The following SMIM31 variants were observed in gnomAD, a reference collection of about 807,000 sequenced individuals.
SMIM31 encodes small integral membrane protein 31, also known as human epithelial cell program regulator.
intron 2 of SMIM31, among the ~76,000 whole-genome samples, chr4:164,797,246 T>G (rs182379588): frequency 6.6e-6 from 1 of 152,292 alleles, no homozygotes; most frequent in Admixed American, 6.5e-5. Context: ...ATATCATGCA[T>G]GCTAACATGC....
chr4:164,800,333 CT>C (rs1733266386), intron 2 of SMIM31, among the ~76,000 whole-genome samples: 1 of 152,030 alleles, frequency 6.6e-6, no homozygotes, highest in South Asian at 2.1e-4. Context: ...CCTCAGCCCC[CT>C]GAGTAGCTGG....
chr4:164,757,767 A>G (rs2110915143), intron 1 of SMIM31, among the ~76,000 whole-genome samples: 1 of 152,204 alleles, frequency 6.6e-6, no homozygotes, highest in South Asian at 2.1e-4. Flanking sequence ...ATTTAGTGCT[A>G]CTAATCTATT....
At chr4:164,787,203 A>G (rs1192451464) in intron 2 of SMIM31, 7 of 152,170 alleles carry the variant, frequency 4.6e-5, no homozygotes, top group African/African-American at 1.7e-4. Context: ...GGGATTAGTT[A>G]CTACTTTCTG....
intron 1 of SMIM31, among the ~76,000 whole-genome samples, chr4:164,755,979 G>A (rs937135383): frequency 1.6e-4 from 24 of 152,032 alleles, no homozygotes; most frequent in African/African-American, 2.7e-4. Context: ...CTCTCTGTAC[G>A]TCCACTGATT....
At chr4:164,773,154 G>C (rs1183787012) in intron 2 of SMIM31, among the ~76,000 whole-genome samples, 1 of 151,808 alleles carries the variant, frequency 6.6e-6, no homozygotes, top group Non-Finnish European at 1.5e-5. Context: ...AGGACATCCA[G>C]GCAAAAGGAA....
rs185239626 is a variant in SMIM31 at position 164,790,159 on chromosome 4, C to A, written c.113-10932C>A. Among the ~76,000 whole-genome samples, 6 of 152,246 alleles carry A rather than the reference C, an allele frequency of 3.9e-5. No individual in the cohort carries two copies. The East Asian group carries it at 1.2e-3, about 29-fold the overall frequency. Reference sequence around the variant, plus strand: ...CTAGGCACATTTTACTTTCTAGGCACATTTTACTAAGCAAAATCCTAACTT... The same window carrying A: ...CTAGGCACATTTTACTTTCTAGGCAAATTTTACTAAGCAAAATCCTAACTT... On this transcript the variant is annotated intron_variant, in intron 2 of 2. Coordinates refer to ENST00000507311, the MANE Select transcript of SMIM31 (RefSeq NM_001352885.1).
intron 2 of SMIM31, among the ~76,000 whole-genome samples, chr4:164,795,981 T>C (rs1243228536): frequency 6.6e-6 from 1 of 152,098 alleles, no homozygotes; most frequent in Non-Finnish European, 1.5e-5. Flanking sequence ...GCTGACATCC[T>C]CAAAAGACTC....
intron 1 of SMIM31, among the ~76,000 whole-genome samples, 171 bp downstream of exon 1, chr4:164,754,582 T>TTTAAAAAAA (rs1732530799): frequency 6.9e-6 from 1 of 145,468 alleles, no homozygotes; most frequent in African/African-American, 2.5e-5. Context: ...TTTTTGCTGT[T>TTTAAAAAAA]AAAAAAAATG....
chr4:164,784,899 GT>G (rs112698821), intron 2 of SMIM31, among the ~76,000 whole-genome samples: 18 of 146,234 alleles, frequency 1.2e-4, no homozygotes, highest in South Asian at 6.4e-4. Flanking sequence ...ATTTGTTTGG[GT>G]TTTTTTTTTT....
intron 2 of SMIM31, among the ~76,000 whole-genome samples, chr4:164,788,565 C>G (rs1733060224): frequency 7.5e-6 from 1 of 134,176 alleles, no homozygotes. Context: ...TCTCGGCTCA[C>G]AGCAACTTCC....
At chr4:164,757,482 CTTTT>C (rs201443024) in intron 1 of SMIM31, among the ~76,000 whole-genome samples, 1 of 148,942 alleles carries the variant, frequency 6.7e-6, no homozygotes, top group Middle Eastern at 3.3e-3. Context: ...CTTAAAAAGT[CTTTT>C]TTTTACCATT....
In SMIM31 at chr4:164,766,796, CAAAAA is replaced by C. The variant is rs33966423; in HGVS notation, c.-25-3613_-25-3609del. On this transcript the variant is annotated intron_variant, in intron 1 of 2. Transcript: ENST00000507311. ...CTGGTGACAGAGTGAGACTCCATCT[CAAAAA>C]AAAAAAAAAGAAGAAAAATGCAATG... is the stretch of plus-strand genomic sequence containing the variant. 6.6e-3 allele frequency among the ~76,000 whole-genome samples: 764 copies of C among 116,104 alleles called. 5 individuals are homozygous for C. Among genetic ancestry groups the C allele is most frequent in the African/African-American group, 0.022 (703 of 32,622 alleles). The allele number at this position is 116,104 out of a possible 152,430, so 76.2% of individuals were successfully genotyped here. A position where few individuals can be genotyped will look rare whatever the true frequency, so the allele number is the denominator to read the frequency against.
chr4:164,757,176 C>G (rs938116568), intron 1 of SMIM31, among the ~76,000 whole-genome samples: 10 of 152,120 alleles, frequency 6.6e-5, no homozygotes, highest in Admixed American at 1.3e-4. Flanking sequence ...TGTCGTTAAG[C>G]ATTTTCTCTT....
At chr4:164,800,096 T>G (rs1448030503) in intron 2 of SMIM31, among the ~76,000 whole-genome samples, 1 of 152,244 alleles carries the variant, frequency 6.6e-6, no homozygotes, top group African/African-American at 2.4e-5. Flanking sequence ...CCTTTTAATT[T>G]AGTAGTTTTC....
At chr4:164,770,776 C>T (rs1453801380) in intron 2 of SMIM31, among the ~76,000 whole-genome samples, 3 of 152,052 alleles carry the variant, frequency 2.0e-5, no homozygotes, top group Non-Finnish European at 4.4e-5. Flanking sequence ...AAAGCCCAAA[C>T]ATTTAAAAAA....
chr4:164,776,278 T>C lies in SMIM31; in HGVS notation c.112+5723T>C, dbSNP rs75976663. 6.6e-3 allele frequency among the ~76,000 whole-genome samples: 1,003 copies of C among 152,328 alleles called. 35 individuals carry two copies. The East Asian group carries it at 0.092, about 14-fold the overall frequency. On this transcript the variant is annotated intron_variant, in intron 2 of 2. Transcript: ENST00000507311. ...TGCTTATCTTCATCACCTTGTACTA[T>C]TGGTTATGTTTATATGAGTAGGAAA...
chr4:164,795,322 C>T (rs976488664), intron 2 of SMIM31, among the ~76,000 whole-genome samples: 1 of 152,128 alleles, frequency 6.6e-6, no homozygotes, highest in East Asian at 1.9e-4. Flanking sequence ...CTTTGGGAGG[C>T]CAAGGCTGGT....
At chr4:164,770,906 A>G (rs11942207) in intron 2 of SMIM31, among the ~76,000 whole-genome samples, 2,940 of 152,314 alleles carry the variant, frequency 0.019, 87 homozygotes, top group African/African-American at 0.066. Context: ...TGGTTACCAC[A>G]TGGTAACCAT....
intron 2 of SMIM31, among the ~76,000 whole-genome samples, chr4:164,792,365 C>T (rs915176095): frequency 2.8e-4 from 42 of 152,056 alleles, no homozygotes; most frequent in African/African-American, 9.7e-4. Flanking sequence ...AATATTTTGG[C>T]AAATTTCTCC....
Sources: allele counts gnomAD v4.1 joint callset (sites outside exome capture counted in the v4.1 genomes callset), GRCh38; gene constraint gnomAD v4.1.1; transcripts MANE v1.5; gene names NCBI Gene and HGNC (gene_info 2026-07-23, HGNC 2026-07-21).